The following CDK14 variants were observed in gnomAD, a reference collection of about 807,000 sequenced individuals.
CDK14 encodes the protein cyclin-dependent kinase 14.
Under a neutral mutation model 60.7 loss-of-function variants are expected in CDK14, and 34 were observed. The observed-to-expected ratio is 0.56, with a 90% CI of 0.43 to 0.75. The LOEUF is 0.75. Ranked by LOEUF, CDK14 falls within the 30% of genes least tolerant of loss-of-function variation. CDK14 has a pLI of 0.00. For synonymous variants in CDK14, 197 were observed against 203.7 expected (o/e 0.97, Z 0.28); for missense variants, 482 against 564.1 (o/e 0.85, Z 1.47).
At chr7:91,058,912 G>A in intron 11 of CDK14, among the ~76,000 whole-genome samples, 1 of 152,170 alleles carries the variant, frequency 6.6e-6, no homozygotes, top group East Asian at 1.9e-4. Context: ...GATGATGCTG[G>A]CCTCATAAAA....
chr7:90,778,287 A>G (rs1461093239), intron 4 of CDK14, among the ~76,000 whole-genome samples: 1 of 152,234 alleles, frequency 6.6e-6, no homozygotes, highest in Non-Finnish European at 1.5e-5. Flanking sequence ...TGCTAAAATC[A>G]GGAAGTAATG....
At chr7:91,145,830 GA>G (rs1271828372) in intron 14 of CDK14, among the ~76,000 whole-genome samples, 1 of 152,122 alleles carries the variant, frequency 6.6e-6, no homozygotes, top group Non-Finnish European at 1.5e-5. Flanking sequence ...GCTTTCCCTT[GA>G]AGAGCTACCT....
intron 5 of CDK14, among the ~76,000 whole-genome samples, chr7:90,800,060 C>G (rs1156782736): frequency 6.6e-6 from 1 of 152,168 alleles, no homozygotes; most frequent in African/African-American, 2.4e-5. Flanking sequence ...ATGGTAAACT[C>G]TGTAGTATTG....
chr7:90,635,272 A>T (rs1467603245), intron 2 of CDK14, among the ~76,000 whole-genome samples: 1 of 152,236 alleles, frequency 6.6e-6, no homozygotes, highest in African/African-American at 2.4e-5. Context: ...TTGAGGTCTA[A>T]CATGTAAGTC....
At chr7:91,090,629 G>T (rs906173251) in intron 12 of CDK14, among the ~76,000 whole-genome samples, 2 of 152,058 alleles carry the variant, frequency 1.3e-5, no homozygotes, top group African/African-American at 2.4e-5. Context: ...AAAACCTCCT[G>T]CCCAAGTTTT....
At chr7:90,842,012 C>T (rs185671386) in intron 5 of CDK14, among the ~76,000 whole-genome samples, 2 of 152,048 alleles carry the variant, frequency 1.3e-5, no homozygotes. Flanking sequence ...TTGGAGTGCC[C>T]TTAGCAACAA....
chr7:90,609,616 C>G (rs1799495100), intron 2 of CDK14, among the ~76,000 whole-genome samples: 1 of 152,154 alleles, frequency 6.6e-6, no homozygotes, highest in African/African-American at 2.4e-5. Flanking sequence ...GGATTGGAAG[C>G]TTCCTGAGGC....
At chr7:90,967,540 T>C (rs1313015236) in intron 9 of CDK14, among the ~76,000 whole-genome samples, 2 of 152,132 alleles carry the variant, frequency 1.3e-5, no homozygotes, top group Non-Finnish European at 2.9e-5. Flanking sequence ...CTTAGTGTGG[T>C]GGTGGTTTAT....
intron 2 of CDK14, among the ~76,000 whole-genome samples, chr7:90,626,664 G>T (rs1419190658): frequency 1.3e-5 from 2 of 152,218 alleles, no homozygotes; most frequent in African/African-American, 4.8e-5. Context: ...AAGAAGCCAG[G>T]TGTTGTGGCT....
intron 14 of CDK14, among the ~76,000 whole-genome samples, chr7:91,205,784 T>C (rs1417101148): frequency 6.6e-6 from 1 of 152,064 alleles, no homozygotes; most frequent in Non-Finnish European, 1.5e-5. Context: ...GAGAGAATGC[T>C]CTTTTTATTT....
chr7:90,834,889 G>A (rs1461693261), intron 5 of CDK14, among the ~76,000 whole-genome samples: 2 of 152,186 alleles, frequency 1.3e-5, no homozygotes, highest in African/African-American at 2.4e-5. Flanking sequence ...TAAGGCTGGT[G>A]CTCAAGGATA....
At chr7:91,062,007 A>G (rs1467730052) in intron 11 of CDK14, among the ~76,000 whole-genome samples, 1 of 152,232 alleles carries the variant, frequency 6.6e-6, no homozygotes, top group Non-Finnish European at 1.5e-5. Flanking sequence ...GGTGGAGACT[A>G]CAGAGGCAGG....
chr7:90,929,013 C>T (rs138888269), intron 8 of CDK14, among the ~76,000 whole-genome samples: 1,662 of 152,354 alleles, frequency 0.011, 13 homozygotes, highest in Middle Eastern at 0.044. Flanking sequence ...GCATGGGACC[C>T]TCTGAGCCAG....
chr7:91,209,201 A>C lies in CDK14; in HGVS notation c.*2065A>C, dbSNP rs970719155. Reference sequence around the variant, plus strand: ...TTAACTTGAAAATTTGAAAATATTTAATGTTGAAAGACTTCAATTAGGGCT... The same window carrying C: ...TTAACTTGAAAATTTGAAAATATTTCATGTTGAAAGACTTCAATTAGGGCT... On this transcript the variant is annotated 3_prime_UTR_variant, in exon 15 of 15. Coordinates refer to ENST00000380050, the MANE Select transcript of CDK14 (RefSeq NM_001287135.2). The C allele has an allele frequency of 1.3e-5, 2 of 152,224 alleles. No individual in the cohort carries two copies. Among genetic ancestry groups the C allele is most frequent in the African/African-American group, 2.4e-5 (1 of 41,446 alleles). 9.4% of individuals were successfully genotyped at this position (152,224 alleles called of 1,614,324 possible). A position where few individuals can be genotyped will look rare whatever the true frequency, so the allele number is the denominator to read the frequency against.
intron 3 of CDK14, among the ~76,000 whole-genome samples, chr7:90,744,033 T>C (rs1803465245): frequency 1.3e-5 from 2 of 152,170 alleles, no homozygotes; most frequent in South Asian, 4.1e-4. Context: ...TTATTTTTAT[T>C]GATCATTCTT....
At chr7:90,608,720 T>C (rs1799472562) in intron 2 of CDK14, 2 of 163,818 alleles carry the variant, frequency 1.2e-5, no homozygotes, top group South Asian at 4.0e-4. Context: ...CTAATTCTTC[T>C]CTGCTTTGGT....
chr7:91,085,055 A>C lies in CDK14; in HGVS notation c.1154+5575A>C, dbSNP rs144711103. ...GTTCCTCTGTTCTCCCAAATATGCC[A>C]TGGGTGTTTGTATTCTGCGACTGCC... On this transcript the variant is annotated intron_variant, in intron 12 of 14. Coordinates refer to ENST00000380050, the MANE Select transcript of CDK14 (RefSeq NM_001287135.2). 3.9e-3 allele frequency among the ~76,000 whole-genome samples: 600 copies of C among 152,314 alleles called. 10 individuals are homozygous for C. Among genetic ancestry groups the C allele is most frequent in the African/African-American group, 0.014 (576 of 41,580 alleles).
At chr7:90,826,775 A>T (rs777310099) in intron 5 of CDK14, among the ~76,000 whole-genome samples, 8 of 152,140 alleles carry the variant, frequency 5.3e-5, no homozygotes, top group Non-Finnish European at 1.0e-4. Flanking sequence ...CAGAGATCCC[A>T]TATACTTCTT....
intron 10 of CDK14, among the ~76,000 whole-genome samples, chr7:91,022,283 C>T (rs533321241): frequency 2.0e-5 from 3 of 152,260 alleles, no homozygotes; most frequent in South Asian, 4.1e-4. Context: ...CGTAAAGGCT[C>T]ATCATTTAGA....
Sources: gnomAD v4.1 joint callset for allele counts (sites outside exome capture counted in the v4.1 genomes callset) on GRCh38, gnomAD v4.1.1 for gene constraint, MANE v1.5 for transcripts, NCBI Gene and HGNC (gene_info 2026-07-23, HGNC 2026-07-21) for gene names.